The following MACROD2 variants were observed in gnomAD, a reference collection of about 807,000 sequenced individuals.
MACROD2 encodes the protein mono-ADP ribosylhydrolase 2, also known as ADP-ribose glycohydrolase MACROD2.
A neutral mutation model predicts 70.4 loss-of-function variants in MACROD2; 36 were observed. The ratio of observed to expected loss-of-function variants is 0.51; its 90% CI spans 0.39 to 0.68. The LOEUF is 0.68. Among genes scored for constraint, MACROD2 ranks in the 30% least tolerant of loss-of-function variants. The probability of loss-of-function intolerance (pLI) is 0.00; values close to 1 mark genes in which losing one functional copy is unlikely to be tolerated. For synonymous variants in MACROD2, 172 were observed against 178.8 expected (o/e 0.96, Z 0.30); for missense variants, 496 against 538.4 (o/e 0.92, Z 0.78).
chr20:15,021,402 G>GTGTATA (rs981046349), intron 5 of MACROD2, among the ~76,000 whole-genome samples: 1 of 148,122 alleles, frequency 6.8e-6, no homozygotes, highest in African/African-American at 2.5e-5. Context: ...ATACATATAT[G>GTGTATA]TGTATATGTA....
intron 8 of MACROD2, among the ~76,000 whole-genome samples, chr20:15,728,411 C>T (rs1395845894): frequency 6.6e-6 from 1 of 152,102 alleles, no homozygotes; most frequent in African/African-American, 2.4e-5. Flanking sequence ...TAATGCTGGC[C>T]TAATAGAATG....
At chr20:15,867,411 T>C (rs886169970) in intron 9 of MACROD2, among the ~76,000 whole-genome samples, 1 of 152,176 alleles carries the variant, frequency 6.6e-6, no homozygotes, top group African/African-American at 2.4e-5. Context: ...TAAAGCACAT[T>C]TGACTTTTTC....
At chr20:16,016,780 C>T (rs779902565) in intron 15 of MACROD2, among the ~76,000 whole-genome samples, 10 of 152,160 alleles carry the variant, frequency 6.6e-5, no homozygotes, top group Admixed American at 2.0e-4. Flanking sequence ...TTTTAATATC[C>T]GCTTCCTCAT....
At chr20:15,158,604 C>T (rs2076325785) in intron 5 of MACROD2, among the ~76,000 whole-genome samples, 1 of 152,134 alleles carries the variant, frequency 6.6e-6, no homozygotes, top group African/African-American at 2.4e-5. Flanking sequence ...ATGACATTAT[C>T]TTCAATTTGT....
intron 7 of MACROD2, among the ~76,000 whole-genome samples, chr20:15,472,918 A>G (rs2046979512): frequency 6.6e-6 from 1 of 152,058 alleles, no homozygotes; most frequent in Non-Finnish European, 1.5e-5. Context: ...CTTCCAGGAA[A>G]TTTTTCTGGT....
intron 3 of MACROD2, among the ~76,000 whole-genome samples, chr20:14,273,109 C>T (rs1665404943): frequency 6.6e-6 from 1 of 151,994 alleles, no homozygotes; most frequent in African/African-American, 2.4e-5. Context: ...AACAAGAATA[C>T]CCAGGAATTG....
At chr20:14,646,418 C>A (rs1029305769) in intron 4 of MACROD2, among the ~76,000 whole-genome samples, 1 of 152,066 alleles carries the variant, frequency 6.6e-6, no homozygotes, top group African/African-American at 2.4e-5. Flanking sequence ...TCAAATTTCA[C>A]CAAATCTTTC....
At chr20:16,023,787 G>A (rs879547355) in intron 15 of MACROD2, among the ~76,000 whole-genome samples, 11 of 152,112 alleles carry the variant, frequency 7.2e-5, no homozygotes, top group South Asian at 2.1e-4. Context: ...TTCCTTATTG[G>A]TTGAAGTTTG....
At chr20:14,551,979 T>C (rs1978684289) in intron 4 of MACROD2, among the ~76,000 whole-genome samples, 1 of 152,100 alleles carries the variant, frequency 6.6e-6, no homozygotes, top group Non-Finnish European at 1.5e-5. Context: ...GTTTTCAAGA[T>C]AGCAGTGACT....
intron 5 of MACROD2, among the ~76,000 whole-genome samples, chr20:14,708,386 T>C (rs1266796860): frequency 2.6e-5 from 4 of 152,128 alleles, no homozygotes; most frequent in African/African-American, 9.7e-5. Flanking sequence ...TAAGGGTGTG[T>C]CTGTGTTCCA....
intron 8 of MACROD2, chr20:15,619,646 CA>C: frequency 2.6e-6 from 1 of 390,258 alleles, no homozygotes; most frequent in Non-Finnish European, 4.6e-6. Context: ...TCTCCTGAGG[CA>C]AAGTACTTTT....
At chr20:15,499,733 A>G (rs1478238145) in intron 7 of MACROD2, 41 bp from the exon 8 acceptor site, 10 of 1,599,510 alleles carry the variant, frequency 6.3e-6, no homozygotes, top group East Asian at 2.2e-5. Flanking sequence ...TTTTGCCTTC[A>G]TCTTTCGTTG....
intron 3 of MACROD2, among the ~76,000 whole-genome samples, chr20:14,273,725 C>A (rs190269415): frequency 4.9e-4 from 75 of 152,054 alleles, no homozygotes; most frequent in African/African-American, 1.7e-3. Context: ...TTGAAAGGAT[C>A]AACACAATTG....
intron 3 of MACROD2, among the ~76,000 whole-genome samples, chr20:14,371,736 A>G (rs913470776): frequency 6.6e-6 from 1 of 152,120 alleles, no homozygotes; most frequent in Non-Finnish European, 1.5e-5. Context: ...TGTTTATGAT[A>G]GGCTTTAAAG....
At chr20:15,370,819 G>A (rs573174255) in intron 6 of MACROD2, among the ~76,000 whole-genome samples, 1 of 151,766 alleles carries the variant, frequency 6.6e-6, no homozygotes, top group African/African-American at 2.4e-5. Flanking sequence ...CAGAACACAG[G>A]CAAAAAGAAG....
At chr20:14,143,427 A>C (rs991797959) in intron 3 of MACROD2, among the ~76,000 whole-genome samples, 2 of 152,144 alleles carry the variant, frequency 1.3e-5, no homozygotes, top group African/African-American at 2.4e-5. Context: ...AAAATGATGA[A>C]ATCACTGACC....
At chr20:15,528,720 T>G (rs886710958) in intron 8 of MACROD2, among the ~76,000 whole-genome samples, 5 of 139,932 alleles carry the variant, frequency 3.6e-5, no homozygotes, top group African/African-American at 1.5e-4. Flanking sequence ...TTTGCAGTTA[T>G]GTGGTTTTTT....
intron 5 of MACROD2, among the ~76,000 whole-genome samples, chr20:14,706,410 A>G (rs2123650994): frequency 6.6e-6 from 1 of 152,016 alleles, no homozygotes; most frequent in Non-Finnish European, 1.5e-5. Flanking sequence ...CTGAACATGG[A>G]TGCTTTGGCT....
chr20:14,440,019 G>C (rs541880158), intron 3 of MACROD2, among the ~76,000 whole-genome samples: 27 of 152,084 alleles, frequency 1.8e-4, no homozygotes, highest in Admixed American at 2.6e-4. Context: ...GGTCATCTCT[G>C]AGATCACTGG....
Sources: gnomAD v4.1 joint callset for allele counts (sites outside exome capture counted in the v4.1 genomes callset) on GRCh38, gnomAD v4.1.1 for gene constraint, MANE v1.5 for transcripts, NCBI Gene and HGNC (gene_info 2026-07-23, HGNC 2026-07-21) for gene names.